Variants in EPHA3 observed in about 807,000 individuals in gnomAD.
EPHA3 encodes the protein EPH receptor A3.
Under a neutral mutation model 107.1 loss-of-function variants are expected in EPHA3, and 42 were observed. That is an observed-to-expected ratio of 0.39 (90% CI 0.31 to 0.51). The LOEUF (loss-of-function observed/expected upper bound fraction) is 0.51. EPHA3 is among the 20% of genes least tolerant of loss of function. The pLI is 0.78. For missense variants in EPHA3, 1,183 were observed against 1,211.2 expected, an observed-to-expected ratio of 0.98 and a Z score of 0.35; for synonymous variants, 461 against 424.8, an observed-to-expected ratio of 1.09 and a Z score of -1.05.
intron 8 of EPHA3, among the ~76,000 whole-genome samples, chr3:89,407,687 T>TTGACACTTTCTCACCCAGAACAGGGG (rs1295200649): frequency 1.3e-5 from 2 of 152,138 alleles, no homozygotes; most frequent in African/African-American, 4.8e-5. Context: ...CCAGATTTCC[T>TTGACACTTTCTCACCCAGAACAGGGG]TGACACTTTC....
At chr3:89,423,351 C>G (rs79695472) in intron 11 of EPHA3, among the ~76,000 whole-genome samples, 1 of 151,290 alleles carries the variant, frequency 6.6e-6, no homozygotes, top group South Asian at 2.1e-4. Context: ...CCTGCATGTA[C>G]GGTAAGGACA....
chr3:89,398,485 C>T (rs774060950), intron 6 of EPHA3, among the ~76,000 whole-genome samples: 19 of 152,210 alleles, frequency 1.2e-4, no homozygotes, highest in Non-Finnish European at 2.2e-4. Context: ...TACCAAACCA[C>T]AGTGACTTAG....
At chr3:89,370,991 T>C (rs1414249592) in intron 5 of EPHA3, among the ~76,000 whole-genome samples, 1 of 151,568 alleles carries the variant, frequency 6.6e-6, no homozygotes, top group Non-Finnish European at 1.5e-5. Context: ...AGTAAGAAAA[T>C]AAAAGAACTA....
intron 3 of EPHA3, among the ~76,000 whole-genome samples, chr3:89,255,856 G>T (rs531503019): frequency 2.5e-4 from 38 of 152,046 alleles, no homozygotes; most frequent in African/African-American, 8.9e-4. Flanking sequence ...AGCCAAGATC[G>T]TACCACTGCA....
intron 3 of EPHA3, among the ~76,000 whole-genome samples, chr3:89,241,022 T>A (rs113120913): frequency 0.027 from 4,141 of 150,800 alleles, 88 homozygotes; most frequent in Admixed American, 0.053. Context: ...TTTAAAAAAA[T>A]TTTTTTTTTC....
chr3:89,144,202 C>T (rs1462514261), intron 2 of EPHA3, among the ~76,000 whole-genome samples: 1 of 151,596 alleles, frequency 6.6e-6, no homozygotes, highest in East Asian at 1.9e-4. Context: ...GGTTTAATTG[C>T]CCTAAATATC....
chr3:89,237,610 A>G (rs76865030), intron 3 of EPHA3, among the ~76,000 whole-genome samples: 3,090 of 152,226 alleles, frequency 0.02, 51 homozygotes, highest in Non-Finnish European at 0.035. Context: ...GTTGATATCC[A>G]AGAATAACTT....
At chr3:89,471,347 T>A (rs1710397447) in intron 15 of EPHA3, among the ~76,000 whole-genome samples, 1 of 152,124 alleles carries the variant, frequency 6.6e-6, no homozygotes, top group African/African-American at 2.4e-5. Context: ...TATAAAAAAA[T>A]CCTAGAAGGA....
chr3:89,156,349 G>A (rs1451773773), intron 2 of EPHA3, among the ~76,000 whole-genome samples: 1 of 152,078 alleles, frequency 6.6e-6, no homozygotes, highest in Non-Finnish European at 1.5e-5. Context: ...GAAGAGAGCA[G>A]ATTTAAAATT....
At chr3:89,300,712 C>T (rs937519515) in intron 3 of EPHA3, among the ~76,000 whole-genome samples, 5 of 152,068 alleles carry the variant, frequency 3.3e-5, no homozygotes, top group Admixed American at 6.6e-5. Context: ...CAATGTCATA[C>T]GGCTCTGTAC....
At chr3:89,158,321 A>G (rs1704850232) in intron 2 of EPHA3, among the ~76,000 whole-genome samples, 1 of 152,054 alleles carries the variant, frequency 6.6e-6, no homozygotes, top group Admixed American at 6.6e-5. Context: ...GATTGCCTTT[A>G]ATGTTCATGG....
chr3:89,187,383 T>C (rs1275335794), intron 2 of EPHA3, among the ~76,000 whole-genome samples: 1 of 148,866 alleles, frequency 6.7e-6, no homozygotes, highest in East Asian at 1.9e-4. Context: ...TATCTATGCA[T>C]TTAATACATA....
At chr3:89,204,042 G>A (rs971469636) in intron 2 of EPHA3, among the ~76,000 whole-genome samples, 1 of 152,132 alleles carries the variant, frequency 6.6e-6, no homozygotes, top group Non-Finnish European at 1.5e-5. Flanking sequence ...AGAAAGTACT[G>A]AGGTATGCCC....
At chr3:89,118,833 A>G (rs1460380830) in intron 1 of EPHA3, among the ~76,000 whole-genome samples, 1 of 152,052 alleles carries the variant, frequency 6.6e-6, no homozygotes, top group African/African-American at 2.4e-5. Context: ...CAATGGGATA[A>G]ATGAATCTAA....
chr3:89,199,816 C>T (rs1705929251), intron 2 of EPHA3, among the ~76,000 whole-genome samples: 1 of 152,162 alleles, frequency 6.6e-6, no homozygotes, highest in African/African-American at 2.4e-5. Flanking sequence ...GTCTACATTA[C>T]TGATTTTCTA....
rs1381992303 is a variant in EPHA3 at position 89,154,677 on chromosome 3, T to C, written c.153+27404T>C. Among the ~76,000 whole-genome samples the C allele has an allele frequency of 7.3e-5, 11 of 151,714 alleles. No homozygotes were observed. The East Asian group carries it at 1.9e-3, about 27-fold the overall frequency. On this transcript the variant is annotated intron_variant, in intron 2 of 16. Transcript: ENST00000336596. The stretch of plus-strand genomic sequence containing the variant: ...ACAACTCACTCTATCATTTTGTAAT[T>C]GGTAGATTGCTCAAATGTTGGAACA...
Position 89,321,855 on chromosome 3 carries a change from C to A in EPHA3, c.815-19061C>A, listed in dbSNP as rs183456363. Among the ~76,000 whole-genome samples the A allele has an allele frequency of 4.0e-4, 61 of 152,134 alleles. 1 individual carries two copies. In the South Asian group the frequency reaches 0.011, roughly 26 times the overall value. ...AGCATTAAGCTTCTTGATAAAAAGT[C>A]ATTTACAAAACTGAGCTGCTGCTTC... On this transcript the variant is annotated intron_variant, in intron 3 of 16. Coordinates refer to ENST00000336596, the MANE Select transcript of EPHA3 (RefSeq NM_005233.6).
intron 2 of EPHA3, among the ~76,000 whole-genome samples, chr3:89,174,054 A>G (rs1705265174): frequency 1.3e-5 from 2 of 152,028 alleles, no homozygotes; most frequent in Admixed American, 6.6e-5. Context: ...CGGCTTTTAC[A>G]GAGAAGAAAC....
At chr3:89,317,830 T>A (rs1706945053) in intron 3 of EPHA3, among the ~76,000 whole-genome samples, 2 of 151,710 alleles carry the variant, frequency 1.3e-5, no homozygotes, top group Admixed American at 1.3e-4. Context: ...TTCAAAGAAA[T>A]GAGGTAATGC....
Sources: gnomAD v4.1 joint callset for allele counts (sites outside exome capture counted in the v4.1 genomes callset) on GRCh38, gnomAD v4.1.1 for gene constraint, MANE v1.5 for transcripts, NCBI Gene and HGNC (gene_info 2026-07-23, HGNC 2026-07-21) for gene names.